ESPNL: variants seen among roughly 807,000 people sequenced by gnomAD.
The protein encoded by ESPNL is espin-like protein.
In ESPNL, 49 loss-of-function variants were observed where a neutral mutation model predicts 46.8. The observed-to-expected ratio is 1.05, with a 90% confidence interval of 0.83 to 1.33. The LOEUF is 1.33. Ranked by LOEUF, ESPNL falls within the 40% of genes most tolerant of loss-of-function variation. The pLI, the probability that ESPNL is intolerant of heterozygous loss-of-function variation, is 0.00. For synonymous variants in ESPNL, 664 were observed against 662.1 expected (o/e 1.00, Z -0.04); for missense variants, 1,540 against 1,436.6 (o/e 1.07, Z -1.16).
At chr2:238,116,158 A>G (rs1691810692) in intron 4 of ESPNL, among the ~76,000 whole-genome samples, 1 of 152,228 alleles carries the variant, frequency 6.6e-6, no homozygotes, top group Non-Finnish European at 1.5e-5. Flanking sequence ...TTTACAGAAT[A>G]AAGTACAGAA....
chr2:238,130,970 G>C lies in ESPNL; in HGVS notation c.2256G>C (p.Ser752=). Residue 752 remains serine, a synonymous_variant, in exon 9 of 9, where the codon TCG becomes TCC. Transcript: ENST00000343063. ...TCTTCCTCAGCCACTGGAGGAGATC[G>C]GCCTACACGCCGGCCCTCAAGACAG... ...IMLFLSHWRR[S]AYTPALKTVA... 34 of 1,548,932 alleles carry C rather than the reference G, an allele frequency of 2.2e-5. No homozygotes were observed. The highest frequency in any genetic ancestry group is 3.0e-5 in the Non-Finnish European group (34 of 1,147,444).
At chr2:238,126,800 A>G (rs1166630042) in intron 6 of ESPNL, among the ~76,000 whole-genome samples, 3 of 130,530 alleles carry the variant, frequency 2.3e-5, no homozygotes, top group African/African-American at 6.0e-5. Context: ...GTGTTTGTGT[A>G]TGTCTGTTCT....
chr2:238,129,130 T>C lies in ESPNL; in HGVS notation c.1413+226T>C, dbSNP rs1692217884. 2.1e-6 allele frequency: 3 copies of C among 1,400,000 alleles called. No individual in the cohort carries two copies. The African/African-American group carries it at 4.4e-5, about 20-fold the overall frequency. 86.7% of individuals were successfully genotyped at this position (1,400,000 alleles called of 1,614,324 possible). On this transcript the variant is annotated intron_variant, in intron 8 of 8. Coordinates refer to ENST00000343063, the MANE Select transcript of ESPNL (RefSeq NM_194312.4). ...CTGGAGGCATGGGTCCCACGTATCCTTCCACTTGGCGGATTTGTGGCACAT... is the reference window on the plus strand; with the variant it reads ...CTGGAGGCATGGGTCCCACGTATCCCTCCACTTGGCGGATTTGTGGCACAT...
chr2:238,108,076 T>G, intron 4 of ESPNL, 103 bp downstream of exon 4: 1 of 1,097,310 alleles, frequency 9.1e-7, no homozygotes, highest in Non-Finnish European at 1.3e-6. Context: ...GTGATGACCC[T>G]CTTTTACAGA....
At chr2:238,119,210 TGGAGGAGGGTGGAAGGAAGAG>T (rs1170746417) in intron 5 of ESPNL, among the ~76,000 whole-genome samples, 3 of 102,828 alleles carry the variant, frequency 2.9e-5, no homozygotes, top group Non-Finnish European at 1.9e-5. Flanking sequence ...GGAGGGTGGA[TGGAGGAGGGTGGAAGGAAGAG>T]GGTGGATGGA....
rs1559266214 is a variant in ESPNL at position 238,125,389 on chromosome 2, G to GT, written c.1102+6dup. 6.6e-7 allele frequency: 1 copy of GT among 1,523,220 alleles called. No individual in the cohort carries two copies. Among genetic ancestry groups the GT allele is most frequent in the African/African-American group, 1.4e-5 (1 of 72,196 alleles). 94.4% of individuals were successfully genotyped at this position (1,523,220 alleles called of 1,614,324 possible). A position where few individuals can be genotyped will look rare whatever the true frequency, so the allele number is the denominator to read the frequency against. On this transcript the variant is annotated splice_donor_region_variant and intron_variant, in intron 6 of 8. Coordinates refer to ENST00000343063, the MANE Select transcript of ESPNL (RefSeq NM_194312.4). ...CAGGGCCAGGGAACCCCAGCCGTGA[G>GT]TGCACAGCCCCAAGTGGGCCACCCA...
Position 238,131,047 on chromosome 2 carries a change from C to T in ESPNL, c.2333C>T (p.Ala778Val). ...ARHAGLRGQE[A>V]ARSPGPPSPP... ...CACGCGGGGTTGCGGGGCCAGGAGG[C>T]CGCCAGGAGCCCTGGGCCACCCTCC... Residue 778 changes from alanine (A) to valine (V), a missense_variant, in exon 9 of 9, where the codon GCC becomes GTC. By Grantham distance (64) the Ala-to-Val change is moderately conservative (BLOSUM62 0). Transcript: ENST00000343063. The T allele has an allele frequency of 6.5e-7, 1 of 1,537,752 alleles. No individual in the cohort carries two copies.
Position 238,104,838 on chromosome 2 carries a change from G to T in ESPNL, c.668G>T (p.Trp223Leu), listed in dbSNP as rs1691561664. ...CGTGGCCACTACTCCCTCGTCGTCT[G>T]GCTGGTAAGTGGGTGCCAGAGGTGG... ...AARGHYSLVVWLVTFTDIGLT... is the reference protein window; with the variant it reads ...AARGHYSLVVLLVTFTDIGLT... The change falls in exon 3 of 9, where the codon TGG becomes TTG. Residue 223 changes from tryptophan (W) to leucine (L), a missense_variant. Transcript: ENST00000343063. 2.0e-6 allele frequency: 3 copies of T among 1,504,810 alleles called. No individual in the cohort carries two copies. The highest frequency in any genetic ancestry group is 2.7e-6 in the Non-Finnish European group (3 of 1,124,306). 93.2% of individuals were successfully genotyped at this position (1,504,810 alleles called of 1,614,324 possible). A position where few individuals can be genotyped will look rare whatever the true frequency, so the allele number is the denominator to read the frequency against.
intron 4 of ESPNL, among the ~76,000 whole-genome samples, chr2:238,108,499 G>A (rs13025510): frequency 0.14 from 21,629 of 152,170 alleles, 1,687 homozygotes; most frequent in South Asian, 0.28. Flanking sequence ...CCCTGCCCGG[G>A]TGCCCACCCG....
intron 5 of ESPNL, among the ~76,000 whole-genome samples, chr2:238,118,335 G>GA (rs1691868841): frequency 7.6e-6 from 1 of 131,074 alleles, no homozygotes; most frequent in Non-Finnish European, 1.7e-5. Context: ...TGGAGAAGGT[G>GA]GATGGAGGAG....
At chr2:238,123,286 C>T (rs560638278) in intron 5 of ESPNL, among the ~76,000 whole-genome samples, 2 of 152,216 alleles carry the variant, frequency 1.3e-5, no homozygotes, top group Non-Finnish European at 1.5e-5. Context: ...GTGTCCCCCA[C>T]CAAGGAAGCA....
intron 8 of ESPNL, chr2:238,129,153 C>A: frequency 7.2e-7 from 1 of 1,397,176 alleles, no homozygotes; most frequent in East Asian, 2.6e-5. Flanking sequence ...ATTTGTGGCA[C>A]ATGCCTGCCT....
intron 4 of ESPNL, among the ~76,000 whole-genome samples, chr2:238,109,423 C>T (rs1436309705): frequency 6.6e-6 from 1 of 152,236 alleles, no homozygotes; most frequent in Non-Finnish European, 1.5e-5. Flanking sequence ...GTGTCATCAC[C>T]GTGTGCAACC....
intron 5 of ESPNL, among the ~76,000 whole-genome samples, chr2:238,119,986 C>T (rs999224727): frequency 3.3e-5 from 5 of 152,164 alleles, no homozygotes; most frequent in African/African-American, 9.7e-5. Flanking sequence ...GCACAGGTGG[C>T]TCAGGTGGCC....
intron 4 of ESPNL, among the ~76,000 whole-genome samples, chr2:238,115,017 G>A (rs1006491615): frequency 6.6e-6 from 1 of 152,226 alleles, no homozygotes; most frequent in Non-Finnish European, 1.5e-5. Context: ...GCAGTGACAA[G>A]CCCTGTGGCT....
intron 8 of ESPNL, 45 bp from the exon 9 acceptor site, chr2:238,130,079 TGGTG>T (rs1467875131): frequency 9.6e-6 from 15 of 1,566,076 alleles, no homozygotes; most frequent in Non-Finnish European, 1.3e-5. Flanking sequence ...GGTGGGCTGA[TGGTG>T]GGTGGGTGGG....
Position 238,128,632 on chromosome 2 carries a change from C to T in ESPNL, c.1216-75C>T. ...TGCCCTGGGCGGAGCCAACCCCCCA[C>T]GTCCTCTCGGATCTTCCCTCCACTC... is the stretch of plus-strand genomic sequence containing the variant. On this transcript the variant is annotated intron_variant, in intron 7 of 8. Coordinates refer to ENST00000343063, the MANE Select transcript of ESPNL (RefSeq NM_194312.4). 8 of 1,447,038 alleles carry T rather than the reference C, an allele frequency of 5.5e-6. 1 individual carries two copies. Among genetic ancestry groups the T allele is most frequent in the South Asian group, 5.0e-5 (4 of 79,850 alleles). The allele number at this position is 1,447,038 out of a possible 1,614,324, so 89.6% of individuals were successfully genotyped here. A position where few individuals can be genotyped will look rare whatever the true frequency, so the allele number is the denominator to read the frequency against.
rs1290544572 is a variant in ESPNL at position 238,104,780 on chromosome 2, G to T, written c.610G>T (p.Asp204Tyr). The T allele has an allele frequency of 6.3e-7, 1 of 1,595,074 alleles. No individual in the cohort carries two copies. Among genetic ancestry groups the T allele is most frequent in the South Asian group, 1.1e-5 (1 of 88,714 alleles). Residue 204 changes from aspartate to tyrosine, a missense_variant, in exon 3 of 9, where the codon GAT becomes TAT. Coordinates refer to ENST00000343063, the MANE Select transcript of ESPNL (RefSeq NM_194312.4). ...CGCTGACGTGCACCTTCGTGCTCTC[G>T]ATGGCATGAGCGCCCTGCACGCTGC... Reference protein sequence around the residue: ...CGADVHLRALDGMSALHAAAA... With the variant: ...CGADVHLRALYGMSALHAAAA...
intron 5 of ESPNL, among the ~76,000 whole-genome samples, chr2:238,124,915 G>A (rs1314013498): frequency 5.3e-5 from 8 of 152,194 alleles, no homozygotes; most frequent in African/African-American, 1.9e-4. Flanking sequence ...ACAGGGCGCT[G>A]GGCACAGCTG....
Sources: gnomAD v4.1 joint callset for allele counts (sites outside exome capture counted in the v4.1 genomes callset) on GRCh38, gnomAD v4.1.1 for gene constraint, MANE v1.5 for transcripts, NCBI Gene and HGNC (gene_info 2026-07-23, HGNC 2026-07-21) for gene names.